WWP2: variants seen among roughly 807,000 people sequenced by gnomAD.
WWP2 encodes NEDD4-like E3 ubiquitin-protein ligase WWP2.
A neutral mutation model predicts 121.0 loss-of-function variants in WWP2; 57 were observed. The observed-to-expected ratio is 0.47, with a 90% CI of 0.38 to 0.59. The LOEUF is 0.59. WWP2 is among the 20% of genes least tolerant of loss of function. The probability of loss-of-function intolerance (pLI) is 0.00; values close to 1 mark genes in which losing one functional copy is unlikely to be tolerated. For synonymous variants in WWP2, 449 were observed against 441.3 expected, an observed-to-expected ratio of 1.02 and a Z score of -0.22; for missense variants, 962 against 1,158.9, an observed-to-expected ratio of 0.83 and a Z score of 2.47.
At chr16:69,930,386 GC>G in intron 13 of WWP2, 128 bp downstream of exon 13, 1 of 1,419,954 alleles carries the variant, frequency 7.0e-7, no homozygotes, top group Non-Finnish European at 9.4e-7. Context: ...CCCTCTAGTG[GC>G]CAATGTTGAT....
intron 2 of WWP2, among the ~76,000 whole-genome samples, chr16:69,791,317 T>C (rs1484676282): frequency 6.6e-6 from 1 of 151,920 alleles, no homozygotes; most frequent in Admixed American, 6.6e-5. Flanking sequence ...AACCTCTGCC[T>C]CCCAAGTTCA....
chr16:69,824,979 C>T (rs1483567091), intron 4 of WWP2, among the ~76,000 whole-genome samples: 2 of 152,024 alleles, frequency 1.3e-5, no homozygotes, highest in Admixed American at 6.5e-5. Context: ...CTTTGTTGGC[C>T]AGGCTGGTCT....
At chr16:69,796,406 C>A (rs920140765) in intron 2 of WWP2, among the ~76,000 whole-genome samples, 1 of 152,182 alleles carries the variant, frequency 6.6e-6, no homozygotes, top group African/African-American at 2.4e-5. Flanking sequence ...CAGGACACTT[C>A]GATATCCCGC....
chr16:69,816,818 T>C (rs373810037), intron 4 of WWP2, among the ~76,000 whole-genome samples: 4 of 152,218 alleles, frequency 2.6e-5, no homozygotes, highest in East Asian at 1.9e-4. Context: ...TGCACACACA[T>C]ATATGTGTAA....
intron 9 of WWP2, among the ~76,000 whole-genome samples, chr16:69,916,557 C>G (rs1371609168): frequency 6.6e-6 from 1 of 152,042 alleles, no homozygotes; most frequent in Non-Finnish European, 1.5e-5. Context: ...TGATACAGAT[C>G]TGGACATAGG....
chr16:69,933,514 C>T (rs1393233745), intron 16 of WWP2, among the ~76,000 whole-genome samples: 4 of 152,218 alleles, frequency 2.6e-5, no homozygotes, highest in Admixed American at 2.0e-4. Flanking sequence ...CGTTATGTTG[C>T]CCGCCCAGGT....
At chr16:69,869,515 T>C (rs2057592775) in intron 6 of WWP2, among the ~76,000 whole-genome samples, 1 of 151,956 alleles carries the variant, frequency 6.6e-6, no homozygotes, top group Non-Finnish European at 1.5e-5. Flanking sequence ...GGCTAATTTT[T>C]TAAATTTTTT....
At chr16:69,880,408 T>C (rs2057805908) in intron 7 of WWP2, among the ~76,000 whole-genome samples, 1 of 152,170 alleles carries the variant, frequency 6.6e-6, no homozygotes, top group East Asian at 1.9e-4. Context: ...GAGCTAGTTT[T>C]GCCTTTTTTT....
chr16:69,843,458 TC>T (rs1018958609), intron 6 of WWP2, among the ~76,000 whole-genome samples: 27 of 152,056 alleles, frequency 1.8e-4, no homozygotes, highest in African/African-American at 5.8e-4. Flanking sequence ...ATGTGCAAAA[TC>T]CCCAGATATT....
intron 2 of WWP2, among the ~76,000 whole-genome samples, chr16:69,796,427 G>T: frequency 6.6e-6 from 1 of 152,196 alleles, no homozygotes; most frequent in South Asian, 2.1e-4. Context: ...AGCTAGGCAA[G>T]ATCATCTGGT....
At chr16:69,786,865 C>A (rs544091336) in intron 1 of WWP2, 131 bp from the exon 2 acceptor site, 7 of 687,358 alleles carry the variant, frequency 1.0e-5, no homozygotes, top group Non-Finnish European at 1.7e-5. Flanking sequence ...ACAAACTATA[C>A]CCTGGTTGCA....
intron 2 of WWP2, among the ~76,000 whole-genome samples, chr16:69,788,867 G>C (rs2055848058): frequency 6.6e-6 from 1 of 152,076 alleles, no homozygotes; most frequent in Non-Finnish European, 1.5e-5. Context: ...AAAGAATATT[G>C]CTTCGGGTTC....
chr16:69,933,125 G>T (rs370718881), intron 16 of WWP2: 38 of 509,834 alleles, frequency 7.5e-5, no homozygotes, highest in Non-Finnish European at 1.3e-4. Flanking sequence ...CCTATGGTAG[G>T]TTACGTCATG....
chr16:69,793,936 T>TG (rs1169570869), intron 2 of WWP2, among the ~76,000 whole-genome samples: 1 of 147,568 alleles, frequency 6.8e-6, no homozygotes, highest in Non-Finnish European at 1.5e-5. Flanking sequence ...TTTTTTTTTT[T>TG]GAGACAGGGT....
At chr16:69,813,165 T>G (rs2151833911) in intron 4 of WWP2, among the ~76,000 whole-genome samples, 1 of 151,688 alleles carries the variant, frequency 6.6e-6, no homozygotes, top group East Asian at 1.9e-4. Flanking sequence ...GGTGTAATTT[T>G]TTTTTTTTTT....
chr16:69,909,648 T>C, intron 9 of WWP2: 1 of 985,454 alleles, frequency 1.0e-6, no homozygotes, highest in Non-Finnish European at 1.2e-6. Flanking sequence ...CACTGTGTTT[T>C]CCACTTTGAC....
At chr16:69,840,612 G>C (rs2056960115) in intron 5 of WWP2, among the ~76,000 whole-genome samples, 1 of 152,194 alleles carries the variant, frequency 6.6e-6, no homozygotes, top group South Asian at 2.1e-4. Flanking sequence ...TGGGGAGGTT[G>C]AAGGTGTTTT....
chr16:69,939,972 A>ATAACCGAGGCCGCCCCTCC lies in WWP2; in HGVS notation c.*32_*33insTAACCGAGGCCGCCCCTCC. 6.3e-7 allele frequency: 1 copy of ATAACCGAGGCCGCCCCTCC among 1,583,928 alleles called. No homozygotes were observed. The highest frequency in any genetic ancestry group is 8.6e-7 in the Non-Finnish European group (1 of 1,159,098). On this transcript the variant is annotated 3_prime_UTR_variant, in exon 24 of 24. Transcript: ENST00000359154. ...CCGCCCCTCCCACGCCCCCCAGCGC[A>ATAACCGAGGCCGCCCCTCC]CATGTAGTCCTGAGTCCTCCCTGCC...
At chr16:69,829,919 T>G (rs2056764229) in intron 4 of WWP2, among the ~76,000 whole-genome samples, 1 of 151,460 alleles carries the variant, frequency 6.6e-6, no homozygotes, top group South Asian at 2.1e-4. Flanking sequence ...GCCTCCTGAG[T>G]AGCTGGGACC....
Sources: gnomAD v4.1 joint callset for allele counts (sites outside exome capture counted in the v4.1 genomes callset) on GRCh38, gnomAD v4.1.1 for gene constraint, MANE v1.5 for transcripts, NCBI Gene and HGNC (gene_info 2026-07-23, HGNC 2026-07-21) for gene names.